The following ADGRG4 variants were observed in gnomAD, a reference collection of about 807,000 sequenced individuals.
The protein encoded by ADGRG4 is adhesion G protein-coupled receptor G4, also known as G protein-coupled receptor 112.
Under a neutral mutation model 126.2 loss-of-function variants are expected in ADGRG4, and 122 were observed. The ratio of observed to expected loss-of-function variants is 0.97; its 90% CI spans 0.83 to 1.12. ADGRG4 has a LOEUF of 1.12. Ranked by LOEUF, ADGRG4 falls within the 50% of genes most tolerant of loss-of-function variation. The probability of loss-of-function intolerance (pLI) is 0.00; values close to 1 mark genes in which losing one functional copy is unlikely to be tolerated. For missense variants in ADGRG4, 2,481 were observed against 2,251.8 expected, an observed-to-expected ratio of 1.10 and a Z score of -2.06; for synonymous variants, 943 against 838.7, an observed-to-expected ratio of 1.12 and a Z score of -2.15.
chrX:136,375,550 GTT>G (rs1164124279), intron 15 of ADGRG4, among the ~76,000 whole-genome samples: 1 of 111,940 alleles, frequency 8.9e-6, no homozygotes, highest in Non-Finnish European at 1.9e-5. Context: ...AACATCTATT[GTT>G]TTTTGACTTT....
chrX:136,346,254 A>G lies in ADGRG4; in HGVS notation c.2548A>G (p.Met850Val), dbSNP rs2075016530. Residue 850 changes from methionine (M) to valine (V), a missense_variant, in exon 6 of 26, where the codon ATG (methionine) becomes GTG (valine). Transcript: ENST00000394143. The part of the protein sequence containing the change: ...TRKEATSHYL[M>V]RKSTIAAVAE... ...AAAAGAAGCAACTTCCCATTATCTT[A>G]TGAGAAAATCAACTATAGCAGCAGT... 3.3e-6 allele frequency: 4 copies of G among 1,210,237 alleles called. No individual in the cohort carries two copies.
At chrX:136,332,467 C>T (rs1326002119) in intron 5 of ADGRG4, among the ~76,000 whole-genome samples, 20 of 101,583 alleles carry the variant, frequency 2.0e-4, no homozygotes, top group African/African-American at 6.5e-4. Flanking sequence ...AATAAACATA[C>T]GTGTGCATGT....
chrX:136,301,923 T>C (rs1033745419), intron 1 of ADGRG4, among the ~76,000 whole-genome samples: 3 of 112,017 alleles, frequency 2.7e-5, no homozygotes, highest in African/African-American at 9.8e-5. Context: ...AGGGCCCTGT[T>C]CTGTTCCATT....
At chrX:136,335,848 A>T (rs1273164731) in intron 5 of ADGRG4, among the ~76,000 whole-genome samples, 1 of 110,421 alleles carries the variant, frequency 9.1e-6, no homozygotes, top group Non-Finnish European at 1.9e-5. Context: ...TTGTCTTCTT[A>T]TTTTTAATTT....
intron 20 of ADGRG4, among the ~76,000 whole-genome samples, chrX:136,398,239 A>G (rs1409889628): frequency 8.9e-6 from 1 of 112,242 alleles, no homozygotes; most frequent in Non-Finnish European, 1.9e-5. Context: ...ATATAAGAGC[A>G]CCAACCCTAA....
chrX:136,361,080 G>A (rs1445944201), intron 11 of ADGRG4, among the ~76,000 whole-genome samples: 1 of 106,378 alleles, frequency 9.4e-6, no homozygotes, highest in Non-Finnish European at 2.0e-5. Flanking sequence ...TGGCTGAGGT[G>A]GGAGGATTGC....
chrX:136,363,740 G>A, intron 13 of ADGRG4, 145 bp downstream of exon 13: 2 of 458,536 alleles, frequency 4.4e-6, no homozygotes, highest in Non-Finnish European at 7.8e-6. Flanking sequence ...GGTAATTAAT[G>A]TTGGTGGAGG....
intron 5 of ADGRG4, among the ~76,000 whole-genome samples, chrX:136,339,371 A>C (rs2074966407): frequency 8.9e-6 from 1 of 112,031 alleles, no homozygotes; most frequent in African/African-American, 3.2e-5. Flanking sequence ...TAGTCTTCCC[A>C]GACTGGGTTA....
Position 136,346,583 on chromosome X carries a change from ACAT to A in ADGRG4, c.2878_2880del (p.His960del). On this transcript the variant is annotated inframe_deletion, in exon 6 of 26. Coordinates refer to ENST00000394143, the MANE Select transcript of ADGRG4 (RefSeq NM_153834.4). ...CTGGATCTCCCACTTCTGGGAGCAC[ACAT>A]ATATTCGGTGAACCCCTGGGTGCTT... The A allele has an allele frequency of 8.3e-7, 1 of 1,209,928 alleles. No homozygotes were observed. Among genetic ancestry groups the A allele is most frequent in the Non-Finnish European group, 1.1e-6 (1 of 894,413 alleles).
chrX:136,381,836 G>T (rs956295887), intron 15 of ADGRG4, among the ~76,000 whole-genome samples: 1 of 111,473 alleles, frequency 9.0e-6, no homozygotes, highest in African/African-American at 3.3e-5. Flanking sequence ...TTTGGAGTCT[G>T]ATGTTCTAAG....
chrX:136,337,057 T>G (rs184859721), intron 5 of ADGRG4, among the ~76,000 whole-genome samples: 1 of 111,257 alleles, frequency 9.0e-6, no homozygotes, highest in East Asian at 2.8e-4. Flanking sequence ...CTCAAACTCC[T>G]GGGCTCAAGT....
Position 136,344,868 on chromosome X carries a change from A to G in ADGRG4, c.1162A>G (p.Thr388Ala). 8.3e-7 allele frequency: 1 copy of G among 1,210,511 alleles called. No individual in the cohort carries two copies. Among genetic ancestry groups the G allele is most frequent in the Non-Finnish European group, 1.1e-6 (1 of 894,237 alleles). ...RFTKNSVVST[T>A]SAIKSQSAVT... is the part of the protein sequence containing the mutation. ...TACCAAGAATTCAGTTGTATCTACAACTTCAGCAATTAAATCTCAGTCGGC... is the reference window on the plus strand; with the variant it reads ...TACCAAGAATTCAGTTGTATCTACAGCTTCAGCAATTAAATCTCAGTCGGC... Residue 388 changes from threonine to alanine, a missense_variant, in exon 6 of 26, where the codon ACT (threonine) becomes GCT (alanine). Physicochemically the swap from Thr to Ala is moderately conservative, Grantham distance 58. Transcript: ENST00000394143.
intron 15 of ADGRG4, among the ~76,000 whole-genome samples, chrX:136,377,520 A>G (rs1390463978): frequency 1.8e-5 from 2 of 111,613 alleles, no homozygotes; most frequent in Non-Finnish European, 1.9e-5. Flanking sequence ...GTGAAGTCTA[A>G]TTTATAGTTC....
Position 136,349,127 on chromosome X carries a change from A to G in ADGRG4, c.5421A>G (p.Leu1807=). Residue 1807 remains leucine (L), a synonymous_variant, in exon 6 of 26, where the codon TTA becomes TTG. Coordinates refer to ENST00000394143, the MANE Select transcript of ADGRG4 (RefSeq NM_153834.4). ...CTTCCTTGTTAGAAAAGACTTCCTT[A>G]ACAAACTATGCCACATCTTTGAATA... ...KMTSLLEKTS[L]TNYATSLNTP... is the part of the protein sequence containing the mutation. 1 of 1,202,820 alleles carries G rather than the reference A, an allele frequency of 8.3e-7. No homozygotes were observed.
chrX:136,349,206 A>T lies in ADGRG4; in HGVS notation c.5500A>T (p.Thr1834Ser). ...TPSSATLPSL[T>S]SFVYSPHSTE... ...ATCCAGTGCAACTCTACCCTCTTTG[A>T]CATCATTTGTTTATTCACCTCATAG... Residue 1834 changes from threonine to serine, a missense_variant, in exon 6 of 26, where the codon ACA becomes TCA. Transcript: ENST00000394143. 1 of 1,206,341 alleles carries T rather than the reference A, an allele frequency of 8.3e-7. No homozygotes were observed. The highest frequency in any genetic ancestry group is 1.1e-6 in the Non-Finnish European group (1 of 891,568).
intron 5 of ADGRG4, among the ~76,000 whole-genome samples, chrX:136,336,719 A>T (rs2148459779): frequency 9.0e-6 from 1 of 111,713 alleles, no homozygotes; most frequent in Admixed American, 9.5e-5. Context: ...CTTTCAACCT[A>T]CCTATATGAT....
In ADGRG4 at chrX:136,347,011, C is replaced by A; in HGVS notation, c.3305C>A (p.Ala1102Glu). 1 of 1,210,296 alleles carries A rather than the reference C, an allele frequency of 8.3e-7. No individual in the cohort carries two copies. The highest frequency in any genetic ancestry group is 1.1e-6 in the Non-Finnish European group (1 of 894,281). Residue 1102 changes from alanine (A) to glutamate (E), a missense_variant, in exon 6 of 26, where the codon GCA (alanine) becomes GAA (glutamate). Ala to Glu is a moderately radical substitution (Grantham distance 107, BLOSUM62 -1). Transcript: ENST00000394143. Reference sequence around the variant, plus strand: ...ATCTCTGTCAGGAAGACATCCATGGCAGTTCCTTCTCTGACAGAAACACCA... The same window carrying A: ...ATCTCTGTCAGGAAGACATCCATGGAAGTTCCTTCTCTGACAGAAACACCA... ...TVISVRKTSM[A>E]VPSLTETPFH...
chrX:136,377,167 C>CTTTTTTTTTTTTTTTTTTTTTTTTT lies in ADGRG4; in HGVS notation c.7776+4127_7776+4128insTTTTTTTTTTTTTTTTTTTTTTTTT, dbSNP rs1184343263. Among the ~76,000 whole-genome samples, 30 of 48,636 alleles carry CTTTTTTTTTTTTTTTTTTTTTTTTT rather than the reference C, an allele frequency of 6.2e-4. 1 individual carries two copies. The highest frequency in any genetic ancestry group is 1.4e-3 in the Admixed American group (5 of 3,547). 42.2% of individuals were successfully genotyped at this position (48,636 alleles called of 115,157 possible). A position where few individuals can be genotyped will look rare whatever the true frequency, so the allele number is the denominator to read the frequency against. On this transcript the variant is annotated intron_variant, in intron 15 of 25. Coordinates refer to ENST00000394143, the MANE Select transcript of ADGRG4 (RefSeq NM_153834.4). ...GTTTTTCACTTTCTTGTTTTCTTTC[C>CTTTTTTTTTTTTTTTTTTTTTTTTT]TTTTTTTTTTTTTTTTTTTTTTTTG...
rs937946202 is a variant in ADGRG4, at chrX:136,353,257, A to G, written c.6823-80A>G. 6.2e-6 allele frequency: 4 copies of G among 649,440 alleles called. No individual in the cohort carries two copies. The African/African-American group carries it at 6.5e-5, about 11-fold the overall frequency. 53.5% of individuals were successfully genotyped at this position (649,440 alleles called of 1,213,427 possible). A position where few individuals can be genotyped will look rare whatever the true frequency, so the allele number is the denominator to read the frequency against. ...CTGAAATAATGAGTGCAGCTTAATG[A>G]TCACACCATCCCAAGTGATTTTGCT... On this transcript the variant is annotated intron_variant, in intron 7 of 25. Coordinates refer to ENST00000394143, the MANE Select transcript of ADGRG4 (RefSeq NM_153834.4).
Sources: allele counts gnomAD v4.1 joint callset (sites outside exome capture counted in the v4.1 genomes callset), GRCh38; gene constraint gnomAD v4.1.1; transcripts MANE v1.5; gene names NCBI Gene and HGNC (gene_info 2026-07-23, HGNC 2026-07-21).